The following CSMD2 variants were observed in gnomAD, a reference collection of about 807,000 sequenced individuals.
The protein encoded by CSMD2 is CUB and sushi domain-containing protein 2.
Under a neutral mutation model 398.5 loss-of-function variants are expected in CSMD2, and 130 were observed. That is an observed-to-expected ratio of 0.33 (90% CI 0.28 to 0.38). The LOEUF is 0.38. CSMD2 is among the 10% of genes least tolerant of loss of function. CSMD2 has a pLI of 1.00. For synonymous variants in CSMD2, 1,828 were observed against 1,908.5 expected, an observed-to-expected ratio of 0.96 and a Z score of 1.10; for missense variants, 3,829 against 4,764.9, an observed-to-expected ratio of 0.80 and a Z score of 5.78.
chr1:33,646,660 T>C lies in CSMD2; in HGVS notation c.4762A>G (p.Ile1588Val). Residue 1588 changes from isoleucine (I) to valine (V), a missense_variant, in exon 29 of 71, where the codon ATT (isoleucine) becomes GTT (valine). Physicochemically the swap from Ile to Val is conservative, Grantham distance 29 (BLOSUM62 3). This residue lies in a region of CSMD2 where 2,001 missense variants were observed against 2,567.1 expected (regional missense o/e 0.78). Coordinates refer to ENST00000373381, the MANE Select transcript of CSMD2 (RefSeq NM_001281956.2). ...CCAGGGCCCTTACCTGTATAGTCAA[T>C]GACGAAGCCAGCATTGCTCACAGAT... ...DASVSNAGFV[I>V]DYTENPRESC... is the part of the protein sequence containing the mutation. 6.2e-7 allele frequency: 1 copy of C among 1,613,750 alleles called. No homozygotes were observed. Among genetic ancestry groups the C allele is most frequent in the South Asian group, 1.1e-5 (1 of 91,056 alleles).
intron 3 of CSMD2, among the ~76,000 whole-genome samples, chr1:33,986,778 C>T (rs1646372868): frequency 6.6e-6 from 1 of 152,210 alleles, no homozygotes; most frequent in South Asian, 2.1e-4. Context: ...ACTCAGGGCA[C>T]TGGGCATGAA....
intron 64 of CSMD2, among the ~76,000 whole-genome samples, chr1:33,527,571 C>T (rs917561145): frequency 6.6e-6 from 1 of 152,122 alleles, no homozygotes; most frequent in Non-Finnish European, 1.5e-5. Flanking sequence ...CAGGATCTAG[C>T]AGTGAGTCAA....
intron 29 of CSMD2, among the ~76,000 whole-genome samples, chr1:33,640,358 C>T (rs1643035204): frequency 6.6e-6 from 1 of 152,118 alleles, no homozygotes; most frequent in Admixed American, 6.5e-5. Context: ...CTTGGGCTCA[C>T]ATACAAAAAA....
chr1:33,747,247 C>G (rs930486708), intron 13 of CSMD2, among the ~76,000 whole-genome samples: 1 of 152,150 alleles, frequency 6.6e-6, no homozygotes, highest in Non-Finnish European at 1.5e-5. Flanking sequence ...TTTATGTAAA[C>G]ATAGTTATAA....
intron 2 of CSMD2, among the ~76,000 whole-genome samples, chr1:34,044,011 C>G (rs1276258799): frequency 6.6e-6 from 1 of 152,186 alleles, no homozygotes; most frequent in Non-Finnish European, 1.5e-5. Context: ...CCTGGCTTCT[C>G]CCAGCCATCG....
chr1:33,804,575 T>C (rs771884154), intron 10 of CSMD2, among the ~76,000 whole-genome samples: 14 of 152,014 alleles, frequency 9.2e-5, no homozygotes, highest in Non-Finnish European at 1.9e-4. Flanking sequence ...TTCAGACCTG[T>C]TCTTCACTCT....
chr1:33,908,357 C>G (rs1231393268), intron 5 of CSMD2, among the ~76,000 whole-genome samples: 1 of 152,262 alleles, frequency 6.6e-6, no homozygotes, highest in Non-Finnish European at 1.5e-5. Flanking sequence ...GAACAAGGGG[C>G]TCTGGAGGAC....
chr1:33,714,820 G>A (rs769616783), intron 20 of CSMD2, 45 bp from the exon 21 acceptor site: 3 of 1,594,138 alleles, frequency 1.9e-6, no homozygotes, highest in African/African-American at 2.7e-5. Context: ...ATTGCGGGGA[G>A]ACACAAAGCA....
chr1:33,608,252 G>A (rs1267396226), intron 41 of CSMD2, among the ~76,000 whole-genome samples: 2 of 152,166 alleles, frequency 1.3e-5, no homozygotes, highest in African/African-American at 4.8e-5. Flanking sequence ...CCTTTACAAG[G>A]ACAAGTGGGC....
intron 2 of CSMD2, among the ~76,000 whole-genome samples, chr1:34,077,512 G>A (rs12091147): frequency 0.013 from 1,876 of 146,098 alleles, 39 homozygotes; most frequent in African/African-American, 0.043. Flanking sequence ...CGAGGCGGGC[G>A]AATCATGAGG....
At chr1:33,672,264 C>G (rs1644529328) in intron 25 of CSMD2, among the ~76,000 whole-genome samples, 1 of 152,224 alleles carries the variant, frequency 6.6e-6, no homozygotes, top group Non-Finnish European at 1.5e-5. Context: ...TCGGGTCACT[C>G]CCACCCTAAT....
chr1:33,864,379 T>C lies in CSMD2; in HGVS notation c.921-17383A>G, dbSNP rs1298554691. 5 of 1,613,992 alleles carry C rather than the reference T, an allele frequency of 3.1e-6. No homozygotes were observed. In the Admixed American group the frequency reaches 6.7e-5, roughly 22 times the overall value. The stretch of plus-strand genomic sequence containing the variant: ...CATGAAAAGGCCAAATATGAAGCCC[T>C]GGCCAAACTCGACAAAGCCCGATAC... On this transcript the variant is annotated intron_variant, in intron 5 of 70. Coordinates refer to ENST00000373381, the MANE Select transcript of CSMD2 (RefSeq NM_001281956.2).
At chr1:33,949,499 C>T (rs1203496537) in intron 3 of CSMD2, among the ~76,000 whole-genome samples, 2 of 152,196 alleles carry the variant, frequency 1.3e-5, no homozygotes, top group Non-Finnish European at 2.9e-5. Flanking sequence ...AAGAATCATT[C>T]GTGAATAGTC....
At chr1:33,890,562 C>T (rs1020248324) in intron 5 of CSMD2, among the ~76,000 whole-genome samples, 1 of 151,932 alleles carries the variant, frequency 6.6e-6, no homozygotes, top group South Asian at 2.1e-4. Context: ...TTTTTGTGGG[C>T]TCTTTTTTTC....
At chr1:34,065,424 C>T (rs1489978948) in intron 2 of CSMD2, among the ~76,000 whole-genome samples, 3 of 152,236 alleles carry the variant, frequency 2.0e-5, no homozygotes, top group Non-Finnish European at 2.9e-5. Context: ...CAGAAGCACA[C>T]ATTCTAAACC....
At chr1:34,107,934 C>T (rs1443427942) in intron 1 of CSMD2, among the ~76,000 whole-genome samples, 1 of 152,148 alleles carries the variant, frequency 6.6e-6, no homozygotes, top group Non-Finnish European at 1.5e-5. Flanking sequence ...TATGTGAAAC[C>T]AAGCCTATGC....
intron 11 of CSMD2, among the ~76,000 whole-genome samples, chr1:33,790,661 G>GTCTGTCTATCTATCTA (rs575317509): frequency 3.0e-4 from 45 of 149,842 alleles, no homozygotes; most frequent in East Asian, 7.9e-4. Context: ...CTGTTTGTCT[G>GTCTGTCTATCTATCTA]TCTATCTATC....
At chr1:33,909,005 C>T (rs749243917) in intron 5 of CSMD2, among the ~76,000 whole-genome samples, 1 of 152,118 alleles carries the variant, frequency 6.6e-6, no homozygotes, top group Non-Finnish European at 1.5e-5. Flanking sequence ...GAAGCAAAGG[C>T]GTCACAAGCC....
At chr1:33,960,656 C>T (rs1017822790) in intron 3 of CSMD2, among the ~76,000 whole-genome samples, 2 of 152,282 alleles carry the variant, frequency 1.3e-5, no homozygotes, top group Non-Finnish European at 1.5e-5. Context: ...GGGCACCGCA[C>T]GCATTTCCCA....
Sources: gnomAD v4.1 joint callset for allele counts (sites outside exome capture counted in the v4.1 genomes callset) on GRCh38, gnomAD v4.1.1 for gene constraint, gnomAD v4.1.1 regional missense constraint, MANE v1.5 for transcripts, NCBI Gene and HGNC (gene_info 2026-07-23, HGNC 2026-07-21) for gene names.